TCF7L2: variants seen among roughly 807,000 people sequenced by gnomAD.
TCF7L2 encodes the protein transcription factor 7-like 2.
TCF7L2 carries 23 observed loss-of-function variants against 77.9 expected under a neutral mutation model. The observed-to-expected ratio is 0.30, with a 90% CI of 0.21 to 0.42. The LOEUF (loss-of-function observed/expected upper bound fraction) is 0.42. Ranked by LOEUF, TCF7L2 falls within the 10% of genes least tolerant of loss-of-function variation. The pLI is 1.00. For missense variants in TCF7L2, 654 were observed against 793.1 expected, an observed-to-expected ratio of 0.82 and a Z score of 2.11; for synonymous variants, 413 against 340.2, an observed-to-expected ratio of 1.21 and a Z score of -2.36.
intron 4 of TCF7L2, among the ~76,000 whole-genome samples, chr10:113,029,031 A>G (rs2049723943): frequency 6.6e-6 from 1 of 152,126 alleles, no homozygotes; most frequent in African/African-American, 2.4e-5. Flanking sequence ...ACCTGATATA[A>G]TTATTTGTCT....
At chr10:113,098,416 T>A (rs1362352563) in intron 5 of TCF7L2, among the ~76,000 whole-genome samples, 1 of 152,032 alleles carries the variant, frequency 6.6e-6, no homozygotes, top group Non-Finnish European at 1.5e-5. Context: ...TTTAAAAAAT[T>A]GTATTTTAGG....
chr10:112,980,159 A>G (rs1182500092), intron 4 of TCF7L2, among the ~76,000 whole-genome samples: 1 of 152,234 alleles, frequency 6.6e-6, no homozygotes, highest in Non-Finnish European at 1.5e-5. Context: ...CACAGTGTGA[A>G]CTGGGCAGGC....
chr10:113,142,686 C>A (rs961838745), intron 6 of TCF7L2, among the ~76,000 whole-genome samples: 1 of 152,182 alleles, frequency 6.6e-6, no homozygotes, highest in Admixed American at 6.5e-5. Context: ...CTGAGCCTGG[C>A]GCTTGGATGC....
intron 4 of TCF7L2, among the ~76,000 whole-genome samples, chr10:112,982,332 G>T (rs2040619262): frequency 6.6e-6 from 1 of 152,106 alleles, no homozygotes; most frequent in African/African-American, 2.4e-5. Context: ...TTACTGAGAA[G>T]ACTGGCCTAT....
intron 5 of TCF7L2, among the ~76,000 whole-genome samples, chr10:113,061,380 G>T (rs1259628441): frequency 2.6e-5 from 4 of 152,188 alleles, no homozygotes; most frequent in Non-Finnish European, 2.9e-5. Context: ...TTCACTTGGG[G>T]TGCTCAGTAG....
intron 5 of TCF7L2, among the ~76,000 whole-genome samples, chr10:113,099,118 G>A (rs2061361182): frequency 6.6e-6 from 1 of 152,148 alleles, no homozygotes; most frequent in Non-Finnish European, 1.5e-5. Flanking sequence ...GTCCTTGCCT[G>A]TACACCTAGC....
intron 4 of TCF7L2, among the ~76,000 whole-genome samples, chr10:112,970,207 C>A (rs1303681959): frequency 6.6e-6 from 1 of 151,916 alleles, no homozygotes; most frequent in African/African-American, 2.4e-5. Context: ...CTTGTGCGTC[C>A]ACACAAAGAC....
chr10:113,120,742 G>A (rs538706911), intron 5 of TCF7L2, among the ~76,000 whole-genome samples: 3 of 152,308 alleles, frequency 2.0e-5, no homozygotes, highest in East Asian at 3.9e-4. Context: ...CGATAGCGGA[G>A]TAGATTGTGG....
intron 4 of TCF7L2, among the ~76,000 whole-genome samples, chr10:113,002,901 T>C (rs1373598989): frequency 3.9e-5 from 6 of 152,272 alleles, no homozygotes; most frequent in African/African-American, 9.6e-5. Context: ...CAATTTCATA[T>C]GTCAATACAT....
intron 4 of TCF7L2, among the ~76,000 whole-genome samples, chr10:113,032,021 A>G (rs1458556896): frequency 1.3e-5 from 2 of 152,240 alleles, no homozygotes; most frequent in African/African-American, 4.8e-5. Flanking sequence ...AGGTTGTCCA[A>G]TGAAGAAATG....
At chr10:113,093,369 G>C (rs1398107769) in intron 5 of TCF7L2, among the ~76,000 whole-genome samples, 1 of 152,174 alleles carries the variant, frequency 6.6e-6, no homozygotes, top group Non-Finnish European at 1.5e-5. Flanking sequence ...TCTTGGCCAT[G>C]GTTCTTGGCC....
chr10:112,955,478 A>G (rs1451551542), intron 3 of TCF7L2, among the ~76,000 whole-genome samples: 1 of 152,182 alleles, frequency 6.6e-6, no homozygotes, highest in Non-Finnish European at 1.5e-5. Flanking sequence ...CACTTTGTTG[A>G]TATTGAAACT....
At chr10:113,144,859 A>T (rs1263925007) in intron 7 of TCF7L2, among the ~76,000 whole-genome samples, 2 of 152,196 alleles carry the variant, frequency 1.3e-5, no homozygotes, top group African/African-American at 2.4e-5. Flanking sequence ...GGTTGTGTGT[A>T]TGTATATTTT....
Position 113,035,449 on chromosome 10 carries a change from A to G in TCF7L2, c.451-4576A>G, listed in dbSNP as rs532325151. Reference sequence around the variant, plus strand: ...AGTGAGTTAAGAATGACTTTTTATTATCATTATTATTAATATTTTTTGAGC... The same window carrying G: ...AGTGAGTTAAGAATGACTTTTTATTGTCATTATTATTAATATTTTTTGAGC... On this transcript the variant is annotated intron_variant, in intron 4 of 13. Transcript: ENST00000627217. Among the ~76,000 whole-genome samples, 3 of 152,254 alleles carry G rather than the reference A, an allele frequency of 2.0e-5. No individual in the cohort carries two copies. The South Asian group carries it at 6.2e-4, about 32-fold the overall frequency.
chr10:113,036,561 C>T (rs889993209), intron 4 of TCF7L2, among the ~76,000 whole-genome samples: 3 of 152,138 alleles, frequency 2.0e-5, no homozygotes, highest in African/African-American at 7.2e-5. Flanking sequence ...TTAACTTAAG[C>T]TCCCTGAGAC....
intron 5 of TCF7L2, among the ~76,000 whole-genome samples, chr10:113,135,302 C>T (rs1201191829): frequency 1.3e-5 from 2 of 152,168 alleles, no homozygotes; most frequent in Non-Finnish European, 2.9e-5. Context: ...TCCCCATTCC[C>T]CCCCACTGTA....
intron 5 of TCF7L2, among the ~76,000 whole-genome samples, chr10:113,065,293 A>G (rs542994677): frequency 7.8e-4 from 119 of 152,372 alleles, no homozygotes; most frequent in African/African-American, 2.7e-3. Context: ...TGTCACATCC[A>G]GACAGTTTGG....
intron 4 of TCF7L2, among the ~76,000 whole-genome samples, chr10:113,022,155 G>A (rs1439784265): frequency 6.6e-6 from 1 of 152,120 alleles, no homozygotes; most frequent in Non-Finnish European, 1.5e-5. Context: ...AACCTCTTTG[G>A]GATGATGATT....
At chr10:113,073,274 A>G (rs1221195029) in intron 5 of TCF7L2, among the ~76,000 whole-genome samples, 1 of 151,842 alleles carries the variant, frequency 6.6e-6, no homozygotes, top group Non-Finnish European at 1.5e-5. Context: ...TGGAATTCAT[A>G]AGCTCTGTTC....
Sources: gnomAD v4.1 joint callset for allele counts (sites outside exome capture counted in the v4.1 genomes callset) on GRCh38, gnomAD v4.1.1 for gene constraint, MANE v1.5 for transcripts, NCBI Gene and HGNC (gene_info 2026-07-23, HGNC 2026-07-21) for gene names.